Variants in RBFOX1 observed in about 807,000 individuals in gnomAD.
The protein encoded by RBFOX1 is RNA binding fox-1 homolog 1.
In RBFOX1, 8 loss-of-function variants were observed where a neutral mutation model predicts 57.7. The observed-to-expected ratio is 0.14, with a 90% CI of 0.08 to 0.25. RBFOX1 has a LOEUF of 0.25. RBFOX1 is among the 10% of genes least tolerant of loss of function. RBFOX1 has a pLI of 1.00. For synonymous variants in RBFOX1, 326 were observed against 222.4 expected, an observed-to-expected ratio of 1.47 and a Z score of -4.15; for missense variants, 611 against 548.5, an observed-to-expected ratio of 1.11 and a Z score of -1.14.
intron 4 of RBFOX1, among the ~76,000 whole-genome samples, chr16:7,497,738 C>G (rs1052563175): frequency 3.3e-5 from 5 of 152,150 alleles, no homozygotes; most frequent in African/African-American, 1.2e-4. Flanking sequence ...TTAAAAAGAA[C>G]TAGTTTCTTT....
chr16:5,738,966 G>A (rs1010072371), intron 3 of RBFOX1, among the ~76,000 whole-genome samples: 1 of 145,662 alleles, frequency 6.9e-6, no homozygotes, highest in African/African-American at 2.5e-5. Context: ...ACAAAGAACA[G>A]GCTAACTCCC....
chr16:6,282,355 GTTTTT>G (rs151272388), intron 1 of RBFOX1, among the ~76,000 whole-genome samples: 6,395 of 125,274 alleles, frequency 0.051, 174 homozygotes, highest in Middle Eastern at 0.13. Context: ...TACCTTGTCT[GTTTTT>G]TTTTTTTTTT....
In RBFOX1 at chr16:5,347,875, C is replaced by T. The variant is rs201286091; in HGVS notation, c.219+107770C>T. Among the ~76,000 whole-genome samples the T allele has an allele frequency of 2.3e-4, 34 of 149,062 alleles. No homozygotes were observed. The East Asian group carries it at 4.6e-3, about 20-fold the overall frequency. ...CCACCCACTCTTTCACTCAATAATG[C>T]ACTCACCCACCCATTCATCCTCCCA... On this transcript the variant is annotated intron_variant, in intron 1 of 2. Coordinates refer to the RBFOX1 transcript ENST00000585867.
intron 3 of RBFOX1, among the ~76,000 whole-genome samples, chr16:5,638,418 G>C (rs778127294): frequency 6.6e-6 from 1 of 152,124 alleles, no homozygotes; most frequent in Non-Finnish European, 1.5e-5. Context: ...GGCTTCTGGG[G>C]AGTAACCATG....
chr16:6,109,318 C>T lies in RBFOX1; in HGVS notation c.-127+89326C>T, dbSNP rs1214132492. 3.9e-5 allele frequency among the ~76,000 whole-genome samples: 6 copies of T among 152,156 alleles called. No homozygotes were observed. The South Asian group carries it at 6.2e-4, about 16-fold the overall frequency. ...TTTATATTTCACTGAATCTTCATGCCGTGTTTCAGGTTTAGCTTCTGTGTC... is the reference window on the plus strand; with the variant it reads ...TTTATATTTCACTGAATCTTCATGCTGTGTTTCAGGTTTAGCTTCTGTGTC... On this transcript the variant is annotated intron_variant, in intron 1 of 15. Coordinates refer to ENST00000550418, the MANE Select transcript of RBFOX1 (RefSeq NM_018723.4).
At chr16:7,373,863 TGA>T (rs1224802957) in intron 4 of RBFOX1, among the ~76,000 whole-genome samples, 2 of 152,150 alleles carry the variant, frequency 1.3e-5, no homozygotes, top group African/African-American at 4.8e-5. Context: ...CAGCTTCTCG[TGA>T]GAGAGAGTTT....
intron 2 of RBFOX1, among the ~76,000 whole-genome samples, chr16:6,565,377 C>T (rs1302361445): frequency 1.3e-5 from 2 of 152,082 alleles, no homozygotes; most frequent in Non-Finnish European, 2.9e-5. Context: ...CCTGCCTCAG[C>T]CTCCCAAGTA....
At chr16:6,349,631 TAC>T (rs2085949803) in intron 2 of RBFOX1, among the ~76,000 whole-genome samples, 1 of 152,186 alleles carries the variant, frequency 6.6e-6, no homozygotes, top group African/African-American at 2.4e-5. Flanking sequence ...AGAGTGCAGG[TAC>T]AGTCCTATTG....
Position 6,542,483 on chromosome 16 carries a change from C to CTT in RBFOX1, c.-63-112097_-63-112096dup, listed in dbSNP as rs71145245. ...CCACTGCCCTGTGTGGGACCATAGT[C>CTT]TTTTTTTTTTTTTTTTTTTTTTTTG... On this transcript the variant is annotated intron_variant, in intron 2 of 15. Coordinates refer to ENST00000550418, the MANE Select transcript of RBFOX1 (RefSeq NM_018723.4). Among the ~76,000 whole-genome samples the CTT allele has an allele frequency of 2.2e-4, 12 of 55,726 alleles. 2 individuals are homozygous for CTT. The highest frequency in any genetic ancestry group is 8.3e-4 in the African/African-American group (11 of 13,232). The allele number at this position is 55,726 out of a possible 152,430, so 36.6% of individuals were successfully genotyped here.
intron 2 of RBFOX1, among the ~76,000 whole-genome samples, chr16:6,466,000 G>T (rs1452470168): frequency 2.6e-5 from 4 of 151,944 alleles, no homozygotes; most frequent in Non-Finnish European, 5.9e-5. Flanking sequence ...AGGCTGAGGT[G>T]GGTGGATCAC....
intron 4 of RBFOX1, among the ~76,000 whole-genome samples, chr16:7,385,295 T>G (rs1203390118): frequency 6.6e-6 from 1 of 152,166 alleles, no homozygotes; most frequent in Non-Finnish European, 1.5e-5. Context: ...GGAAGCTGTC[T>G]GGGAGTCCAG....
intron 1 of RBFOX1, among the ~76,000 whole-genome samples, chr16:5,337,576 C>G (rs902080817): frequency 7.9e-5 from 12 of 152,108 alleles, no homozygotes; most frequent in Admixed American, 6.6e-4. Flanking sequence ...AAAATAAATG[C>G]TCATAAATGT....
chr16:6,850,823 T>C (rs1261345286), intron 3 of RBFOX1, among the ~76,000 whole-genome samples: 3 of 152,230 alleles, frequency 2.0e-5, no homozygotes, highest in Admixed American at 1.3e-4. Context: ...CTCATTTTCT[T>C]GTAGAACTAA....
intron 1 of RBFOX1, among the ~76,000 whole-genome samples, chr16:5,424,923 C>CTTTCTT (rs2067484334): frequency 1.1e-5 from 1 of 89,594 alleles, no homozygotes; most frequent in African/African-American, 4.5e-5. Context: ...TTCTTTCTTT[C>CTTTCTT]TTTCTTTCTT....
intron 14 of RBFOX1, among the ~76,000 whole-genome samples, chr16:7,688,415 A>C (rs567166598): frequency 1.3e-5 from 2 of 152,182 alleles, no homozygotes; most frequent in African/African-American, 4.8e-5. Context: ...ATCTTTGCCC[A>C]TAAGACTTAA....
chr16:6,573,150 A>G (rs928714351), intron 2 of RBFOX1, among the ~76,000 whole-genome samples: 1 of 152,098 alleles, frequency 6.6e-6, no homozygotes, highest in Non-Finnish European at 1.5e-5. Flanking sequence ...GCAGGGTTTC[A>G]CCACTACCAG....
At chr16:6,977,653 C>T (rs1189999816) in intron 3 of RBFOX1, among the ~76,000 whole-genome samples, 1 of 152,144 alleles carries the variant, frequency 6.6e-6, no homozygotes, top group East Asian at 1.9e-4. Flanking sequence ...ATCTCTTTAG[C>T]TCTGGCACTA....
At chr16:6,588,462 G>A (rs1221133073) in intron 2 of RBFOX1, among the ~76,000 whole-genome samples, 1 of 152,038 alleles carries the variant, frequency 6.6e-6, no homozygotes, top group Non-Finnish European at 1.5e-5. Context: ...GGACCAGCCT[G>A]GCCAACATGA....
intron 3 of RBFOX1, among the ~76,000 whole-genome samples, chr16:6,738,944 A>G (rs1030381430): frequency 1.3e-5 from 2 of 152,224 alleles, no homozygotes; most frequent in African/African-American, 4.8e-5. Context: ...ACTTAATGAA[A>G]ATAAACATAC....
Sources: allele counts gnomAD v4.1 joint callset (sites outside exome capture counted in the v4.1 genomes callset), GRCh38; gene constraint gnomAD v4.1.1; transcripts MANE v1.5; gene names NCBI Gene and HGNC (gene_info 2026-07-23, HGNC 2026-07-21).